DNAH5: variants seen among roughly 807,000 people sequenced by gnomAD.
DNAH5 encodes the protein axonemal beta dynein heavy chain 5.
In DNAH5, 372 loss-of-function variants were observed where a neutral mutation model predicts 518.2. The observed-to-expected ratio is 0.72, with a 90% CI of 0.66 to 0.78. The LOEUF is 0.78. DNAH5 is among the 30% of genes least tolerant of loss of function. The pLI is 0.00. For missense variants in DNAH5, 5,523 were observed against 5,687.0 expected, an observed-to-expected ratio of 0.97 and a Z score of 0.93; for synonymous variants, 2,039 against 2,025.9, an observed-to-expected ratio of 1.01 and a Z score of -0.17.
At chr5:13,703,354 T>C (rs1439269811) in intron 76 of DNAH5, among the ~76,000 whole-genome samples, 1 of 151,906 alleles carries the variant, frequency 6.6e-6, no homozygotes, top group Non-Finnish European at 1.5e-5. Flanking sequence ...TTATTTCCCT[T>C]TTACAGATAA....
At chr5:13,927,130 C>T (rs561233862) in intron 3 of DNAH5, among the ~76,000 whole-genome samples, 2 of 152,172 alleles carry the variant, frequency 1.3e-5, no homozygotes, top group Admixed American at 6.5e-5. Flanking sequence ...TATCTTCCTA[C>T]TTAGGCCTTT....
chr5:13,733,780 C>T lies in DNAH5; in HGVS notation c.11761+1351G>A, dbSNP rs758482730. Among the ~76,000 whole-genome samples, 75 of 152,010 alleles carry T rather than the reference C, an allele frequency of 4.9e-4. 1 individual carries two copies. Among genetic ancestry groups the T allele is most frequent in the Non-Finnish European group, 1.1e-3 (73 of 67,968 alleles). ...ATATGTATGACTATGGACCTATAAC[C>T]CCCACCAGGGCACAGCATGTGTATA... On this transcript the variant is annotated intron_variant, in intron 68 of 78. Transcript: ENST00000265104.
At chr5:13,726,119 T>C (rs1000296758) in intron 70 of DNAH5, among the ~76,000 whole-genome samples, 2 of 152,234 alleles carry the variant, frequency 1.3e-5, no homozygotes, top group African/African-American at 2.4e-5. Context: ...TGGGATTGAA[T>C]GTATCTACAT....
rs756339622 is a variant in DNAH5 at position 13,884,982 on chromosome 5, T to C, written c.2983+7A>G. 3.8e-5 allele frequency: 61 copies of C among 1,614,100 alleles called. 1 individual carries two copies. In the Middle Eastern group the frequency reaches 1.0e-3, roughly 26 times the overall value. ...CATCCACTAAGCAAACCACACAAGA[T>C]TATTACCCCGGAAGTTAATTGTGTG... On this transcript the variant is annotated splice_region_variant and intron_variant, in intron 19 of 78. Transcript: ENST00000265104.
intron 1 of DNAH5, among the ~76,000 whole-genome samples, chr5:13,981,304 A>G (rs1301475611): frequency 6.6e-6 from 1 of 152,204 alleles, no homozygotes; most frequent in Non-Finnish European, 1.5e-5. Context: ...AATGTACTTG[A>G]TCATGAGCTC....
chr5:13,830,234 A>T, intron 36 of DNAH5, 21 bp from the exon 37 acceptor site: 1 of 1,606,848 alleles, frequency 6.2e-7, no homozygotes, highest in Non-Finnish European at 8.5e-7. Context: ...AAATTAAATG[A>T]AAAATCCAAT....
At chr5:13,752,594 T>TAA (rs1750394716) in intron 63 of DNAH5, among the ~76,000 whole-genome samples, 1 of 152,230 alleles carries the variant, frequency 6.6e-6, no homozygotes, top group East Asian at 1.9e-4. Flanking sequence ...ATATGAAACA[T>TAA]AAATGAATTT....
intron 40 of DNAH5, among the ~76,000 whole-genome samples, chr5:13,822,648 T>C (rs557014770): frequency 3.9e-5 from 6 of 152,254 alleles, no homozygotes; most frequent in Non-Finnish European, 8.8e-5. Context: ...TTCCAAACTC[T>C]TCTTCATAGA....
At chr5:13,745,811 A>T (rs1425144708) in intron 65 of DNAH5, among the ~76,000 whole-genome samples, 1 of 152,036 alleles carries the variant, frequency 6.6e-6, no homozygotes, top group African/African-American at 2.4e-5. Flanking sequence ...AATCTTCCTA[A>T]CGTCAACAGC....
intron 65 of DNAH5, among the ~76,000 whole-genome samples, chr5:13,746,606 C>T (rs1022078235): frequency 6.6e-6 from 1 of 151,944 alleles, no homozygotes; most frequent in African/African-American, 2.4e-5. Flanking sequence ...ACTCTTAAAC[C>T]CTCTTATTTT....
chr5:13,921,460 T>TCTC lies in DNAH5; in HGVS notation c.660+646_660+647insGAG, dbSNP rs1491249915. ...TGTCTCTCTCTCTCTCTCTCTCTCT[T>TCTC]GCTCTATCTCTCTCTCACACACACA... On this transcript the variant is annotated intron_variant, in intron 5 of 78. Coordinates refer to ENST00000265104, the MANE Select transcript of DNAH5 (RefSeq NM_001369.3). 5.0e-3 allele frequency among the ~76,000 whole-genome samples: 255 copies of TCTC among 51,514 alleles called. 6 individuals carry two copies. Among genetic ancestry groups the TCTC allele is most frequent in the South Asian group, 0.047 (76 of 1,610 alleles). 33.8% of individuals were successfully genotyped at this position (51,514 alleles called of 152,430 possible). A position where few individuals can be genotyped will look rare whatever the true frequency, so the allele number is the denominator to read the frequency against.
intron 65 of DNAH5, among the ~76,000 whole-genome samples, chr5:13,737,759 T>C (rs1387746759): frequency 2.6e-5 from 4 of 151,020 alleles, no homozygotes; most frequent in Non-Finnish European, 5.9e-5. Flanking sequence ...ACCCCATCTC[T>C]ACTAAAATAC....
At chr5:13,941,072 C>CACCAGG (rs70964523) in intron 1 of DNAH5, among the ~76,000 whole-genome samples, 130,363 of 151,708 alleles carry the variant, frequency 0.86, 56,412 homozygotes, top group Non-Finnish European at 0.91. Flanking sequence ...TTACAAGCAG[C>CACCAGG]ACTGGCACAA....
At chr5:13,801,836 C>T (rs1343117600) in intron 47 of DNAH5, among the ~76,000 whole-genome samples, 2 of 151,950 alleles carry the variant, frequency 1.3e-5, no homozygotes, top group African/African-American at 4.8e-5. Context: ...GGTCTTAGTT[C>T]ATTTACATAC....
intron 47 of DNAH5, among the ~76,000 whole-genome samples, chr5:13,805,308 G>C (rs2126982364): frequency 6.6e-6 from 1 of 152,184 alleles, no homozygotes; most frequent in South Asian, 2.1e-4. Context: ...GACCATCCTG[G>C]ACATCATGGT....
At chr5:13,858,751 A>T (rs1401174407) in intron 30 of DNAH5, among the ~76,000 whole-genome samples, 1 of 152,186 alleles carries the variant, frequency 6.6e-6, no homozygotes, top group Non-Finnish European at 1.5e-5. Context: ...AAACTAACCA[A>T]AAAAGAAGTT....
intron 68 of DNAH5, among the ~76,000 whole-genome samples, chr5:13,732,120 CAA>C (rs34028417): frequency 0.61 from 75,943 of 124,606 alleles, 20,220 homozygotes; most frequent in African/African-American, 0.63. Flanking sequence ...ACTCTGTCTT[CAA>C]AAAAAAAAAA....
chr5:13,804,460 A>G (rs188325840), intron 47 of DNAH5, among the ~76,000 whole-genome samples: 2 of 152,342 alleles, frequency 1.3e-5, no homozygotes, highest in Admixed American at 1.3e-4. Context: ...TGGGAGATGC[A>G]GAGACAAATG....
intron 47 of DNAH5, among the ~76,000 whole-genome samples, chr5:13,799,563 T>A (rs1328235762): frequency 6.6e-6 from 1 of 152,094 alleles, no homozygotes; most frequent in Non-Finnish European, 1.5e-5. Flanking sequence ...GGGAGAAAAA[T>A]TAAGCAACCT....
Sources: gnomAD v4.1 joint callset for allele counts (sites outside exome capture counted in the v4.1 genomes callset) on GRCh38, gnomAD v4.1.1 for gene constraint, MANE v1.5 for transcripts, NCBI Gene and HGNC (gene_info 2026-07-23, HGNC 2026-07-21) for gene names.